RSRC1: variants seen among roughly 807,000 people sequenced by gnomAD.
RSRC1 encodes arginine and serine rich coiled-coil 1, also known as serine/Arginine-related protein 53.
In RSRC1, 39 loss-of-function variants were observed where a neutral mutation model predicts 49.1. The ratio of observed to expected loss-of-function variants is 0.79; its 90% CI spans 0.61 to 1.04. The LOEUF (loss-of-function observed/expected upper bound fraction) is 1.04. Among genes scored for constraint, RSRC1 ranks in the 50% least tolerant of loss-of-function variants. RSRC1 has a pLI of 0.00. For synonymous variants in RSRC1, 143 were observed against 130.8 expected (o/e 1.09, Z -0.63); for missense variants, 388 against 402.4 (o/e 0.96, Z 0.31).
At chr3:158,290,507 C>A (rs1278518133) in intron 4 of RSRC1, among the ~76,000 whole-genome samples, 3 of 152,072 alleles carry the variant, frequency 2.0e-5, no homozygotes, top group Non-Finnish European at 4.4e-5. Flanking sequence ...GATTTCCTGA[C>A]CTCGTGATCC....
intron 5 of RSRC1, among the ~76,000 whole-genome samples, chr3:158,329,585 C>T (rs1729411625): frequency 6.6e-6 from 1 of 152,198 alleles, no homozygotes; most frequent in South Asian, 2.1e-4. Flanking sequence ...GCTGCTTGAT[C>T]GTTCCTCTGG....
At chr3:158,518,931 C>T (rs917316783) in intron 7 of RSRC1, among the ~76,000 whole-genome samples, 2 of 152,098 alleles carry the variant, frequency 1.3e-5, no homozygotes, top group African/African-American at 4.8e-5. Flanking sequence ...TCATTTTTCA[C>T]TAGTGTGAAT....
chr3:158,396,442 A>G, intron 6 of RSRC1, among the ~76,000 whole-genome samples: 1 of 151,592 alleles, frequency 6.6e-6, no homozygotes. Context: ...TTTCTTTTTA[A>G]ATTTCTATTT....
intron 4 of RSRC1, among the ~76,000 whole-genome samples, 176 bp downstream of exon 4, chr3:158,203,421 C>T (rs1281977421): frequency 6.6e-6 from 1 of 151,954 alleles, no homozygotes; most frequent in Non-Finnish European, 1.5e-5. Flanking sequence ...AAAATAGTTA[C>T]CTCAGATTTT....
chr3:158,260,508 A>G (rs975494426), intron 4 of RSRC1, among the ~76,000 whole-genome samples: 1 of 152,022 alleles, frequency 6.6e-6, no homozygotes, highest in African/African-American at 2.4e-5. Flanking sequence ...CCAGAGCTGC[A>G]CCTGTTCTGC....
chr3:158,530,069 A>G lies in RSRC1; in HGVS notation c.653-7023A>G, dbSNP rs200678928. On this transcript the variant is annotated intron_variant, in intron 7 of 9. Coordinates refer to ENST00000611884, the MANE Select transcript of RSRC1 (RefSeq NM_001271838.2). ...TCATTTCCACATCCTGGCACACCAC[A>G]GGTTTACCAGAAGATGTATGAGCTA... 5.3e-5 allele frequency among the ~76,000 whole-genome samples: 8 copies of G among 151,992 alleles called. No homozygotes were observed. The East Asian group carries it at 1.6e-3, about 30-fold the overall frequency.
intron 7 of RSRC1, among the ~76,000 whole-genome samples, chr3:158,530,036 T>G (rs1576610644): frequency 6.6e-6 from 1 of 151,824 alleles, no homozygotes; most frequent in Non-Finnish European, 1.5e-5. Flanking sequence ...CCTTCTCTCC[T>G]CCTCCTATCA....
chr3:158,543,852 G>C (rs1713180095), intron 9 of RSRC1, among the ~76,000 whole-genome samples: 2 of 151,508 alleles, frequency 1.3e-5, no homozygotes, highest in African/African-American at 2.4e-5. Context: ...TTCATTATCA[G>C]TGAGCACATC....
intron 3 of RSRC1, among the ~76,000 whole-genome samples, chr3:158,139,792 C>T (rs570957355): frequency 6.6e-6 from 1 of 152,184 alleles, no homozygotes; most frequent in African/African-American, 2.4e-5. Flanking sequence ...TGCCACCACG[C>T]CCAGCTAATT....
chr3:158,406,862 G>C (rs1414502073), intron 6 of RSRC1, among the ~76,000 whole-genome samples: 6 of 152,102 alleles, frequency 3.9e-5, no homozygotes, highest in African/African-American at 1.4e-4. Flanking sequence ...CCTTTCAGCA[G>C]TGATGTAATT....
chr3:158,150,615 T>C (rs1022735729), intron 3 of RSRC1, among the ~76,000 whole-genome samples: 3 of 152,154 alleles, frequency 2.0e-5, no homozygotes, highest in Non-Finnish European at 4.4e-5. Flanking sequence ...TGATATCAAT[T>C]AGGATGATAT....
Position 158,283,266 on chromosome 3 carries a change from C to T in RSRC1, c.495-14773C>T, listed in dbSNP as rs556753444. ...AATGTAGACCCAGAATAATATACTA[C>T]TCAATAAAGCTGCTGTGAGGATTTT... On this transcript the variant is annotated intron_variant, in intron 4 of 9. Coordinates refer to ENST00000611884, the MANE Select transcript of RSRC1 (RefSeq NM_001271838.2). Among the ~76,000 whole-genome samples, 3 of 152,066 alleles carry T rather than the reference C, an allele frequency of 2.0e-5. No individual in the cohort carries two copies. The East Asian group carries it at 5.8e-4, about 29-fold the overall frequency.
intron 4 of RSRC1, among the ~76,000 whole-genome samples, chr3:158,255,702 T>A (rs1030673006): frequency 2.0e-5 from 3 of 152,246 alleles, no homozygotes; most frequent in Non-Finnish European, 4.4e-5. Flanking sequence ...GGAATATTCT[T>A]CCATTTGTTT....
intron 3 of RSRC1, among the ~76,000 whole-genome samples, chr3:158,169,774 A>G (rs1464664606): frequency 2.0e-5 from 3 of 152,218 alleles, no homozygotes; most frequent in Non-Finnish European, 4.4e-5. Flanking sequence ...ATAAGAGGGT[A>G]CTTCTAACCC....
intron 7 of RSRC1, among the ~76,000 whole-genome samples, chr3:158,509,282 A>G (rs1740028013): frequency 6.6e-6 from 1 of 152,170 alleles, no homozygotes. Context: ...ATTAAGTATG[A>G]CATACATTCA....
At chr3:158,187,012 A>G (rs1265752292) in intron 3 of RSRC1, among the ~76,000 whole-genome samples, 1 of 152,020 alleles carries the variant, frequency 6.6e-6, no homozygotes, top group Admixed American at 6.6e-5. Flanking sequence ...TGAAAATGAT[A>G]CGGCCATCAG....
chr3:158,288,564 A>T (rs564376047), intron 4 of RSRC1, among the ~76,000 whole-genome samples: 3 of 152,188 alleles, frequency 2.0e-5, no homozygotes, highest in South Asian at 4.1e-4. Flanking sequence ...CCCTGCCTGG[A>T]TTGGACAGTT....
Position 158,143,946 on chromosome 3 carries a change from G to A in RSRC1, c.320+19955G>A, listed in dbSNP as rs554112905. Among the ~76,000 whole-genome samples, 17 of 152,268 alleles carry A rather than the reference G, an allele frequency of 1.1e-4. No homozygotes were observed. The South Asian group carries it at 3.5e-3, about 32-fold the overall frequency. ...AAGCTAAAAATATGACTGAATTGGTGTTGTTACACTTTGAACATCCTCTAT... is the reference window on the plus strand; with the variant it reads ...AAGCTAAAAATATGACTGAATTGGTATTGTTACACTTTGAACATCCTCTAT... On this transcript the variant is annotated intron_variant, in intron 3 of 9. Coordinates refer to ENST00000611884, the MANE Select transcript of RSRC1 (RefSeq NM_001271838.2).
intron 3 of RSRC1, among the ~76,000 whole-genome samples, chr3:158,136,433 C>CGAG (rs200815441): frequency 0.012 from 1,757 of 152,236 alleles, 27 homozygotes; most frequent in African/African-American, 0.041. Context: ...TACTTGCTCC[C>CGAG]CTACAGAGCT....
Sources: gnomAD v4.1 joint callset for allele counts (sites outside exome capture counted in the v4.1 genomes callset) on GRCh38, gnomAD v4.1.1 for gene constraint, MANE v1.5 for transcripts, NCBI Gene and HGNC (gene_info 2026-07-23, HGNC 2026-07-21) for gene names.